Variants in GOLM2 observed in about 807,000 individuals in gnomAD.
The protein encoded by GOLM2 is golgi membrane protein 2, also known as protein GOLM2.
In GOLM2, 26 loss-of-function variants were observed where a neutral mutation model predicts 55.9. The ratio of observed to expected loss-of-function variants is 0.47; its 90% CI spans 0.34 to 0.65. The LOEUF is 0.65. GOLM2 is among the 30% of genes least tolerant of loss of function. The pLI is 0.01. For missense variants in GOLM2, 486 were observed against 531.8 expected, an observed-to-expected ratio of 0.91 and a Z score of 0.85; for synonymous variants, 165 against 194.6, an observed-to-expected ratio of 0.85 and a Z score of 1.27.
chr15:44,379,638 T>TTATAAA, intron 6 of GOLM2, 52 bp from the exon 7 acceptor site: 2 of 710,020 alleles, frequency 2.8e-6, no homozygotes, highest in African/African-American at 1.8e-5. Flanking sequence ...TTTTTTTTTT[T>TTATAAA]AGAAATCATA....
chr15:44,397,478 CAAAAA>C (rs1007948393), intron 8 of GOLM2, among the ~76,000 whole-genome samples: 3 of 32,562 alleles, frequency 9.2e-5, no homozygotes, highest in African/African-American at 2.4e-4. Context: ...GACTCCGTCT[CAAAAA>C]AAAAAAAAAA....
rs2079581152 is a variant in GOLM2, at chr15:44,403,770, TAAGGA to T, written c.1240+720_1240+724del. 2.0e-5 allele frequency among the ~76,000 whole-genome samples: 3 copies of T among 152,314 alleles called. No individual in the cohort carries two copies. In the South Asian group the frequency reaches 6.2e-4, roughly 32 times the overall value. On this transcript the variant is annotated intron_variant, in intron 9 of 9. Transcript: ENST00000299957. ...TATTGCCCAGGTAGCTTTTTCGTTATAAGGAAAGCCACAAAGGGAATGGTTTTCTC... is the reference window on the plus strand; with the variant it reads ...TATTGCCCAGGTAGCTTTTTCGTTATAAGCCACAAAGGGAATGGTTTTCTC...
chr15:44,390,578 T>C, intron 8 of GOLM2: 1 of 153,084 alleles, frequency 6.5e-6, no homozygotes, highest in Non-Finnish European at 1.5e-5. Context: ...TTTTTTTTTT[T>C]TTTTGAGATG....
At chr15:44,348,321 C>A (rs2079138700) in intron 6 of GOLM2, among the ~76,000 whole-genome samples, 1 of 150,528 alleles carries the variant, frequency 6.6e-6, no homozygotes, top group East Asian at 2.0e-4. Context: ...GCCTGTTGCT[C>A]TGAAGGGTGA....
intron 2 of GOLM2, among the ~76,000 whole-genome samples, chr15:44,324,389 A>G (rs1025369449): frequency 1.3e-5 from 2 of 152,164 alleles, no homozygotes; most frequent in Non-Finnish European, 2.9e-5. Context: ...CTTGATTTGT[A>G]TGTATAGCTA....
At chr15:44,358,767 C>T (rs1384912203) in intron 6 of GOLM2, among the ~76,000 whole-genome samples, 1 of 152,142 alleles carries the variant, frequency 6.6e-6, no homozygotes, top group Non-Finnish European at 1.5e-5. Flanking sequence ...CAAGAGAAAA[C>T]CTGGATTACC....
intron 2 of GOLM2, 45 bp from the exon 3 acceptor site, chr15:44,328,640 C>A: frequency 1.5e-6 from 2 of 1,338,726 alleles, no homozygotes; most frequent in Non-Finnish European, 2.1e-6. Context: ...GGAAGCATTA[C>A]AATGAGTGAA....
At chr15:44,395,575 C>G (rs1595666064) in intron 8 of GOLM2, among the ~76,000 whole-genome samples, 1 of 151,466 alleles carries the variant, frequency 6.6e-6, no homozygotes, top group African/African-American at 2.4e-5. Flanking sequence ...GGTGCGGTGG[C>G]TAATGCCTGT....
intron 9 of GOLM2, among the ~76,000 whole-genome samples, chr15:44,411,801 C>G (rs2079640165): frequency 6.7e-6 from 1 of 149,622 alleles, no homozygotes; most frequent in Admixed American, 6.7e-5. Flanking sequence ...TGCACTCCAG[C>G]CTGGGCGACA....
intron 6 of GOLM2, among the ~76,000 whole-genome samples, chr15:44,359,328 C>T (rs1267577572): frequency 6.6e-6 from 1 of 152,008 alleles, no homozygotes; most frequent in Non-Finnish European, 1.5e-5. Context: ...TGGCTCATGC[C>T]TGTAATCCCA....
intron 8 of GOLM2, among the ~76,000 whole-genome samples, chr15:44,402,244 A>G (rs2079570304): frequency 6.6e-6 from 1 of 152,020 alleles, no homozygotes; most frequent in Admixed American, 6.6e-5. Flanking sequence ...ATGAGAAGAG[A>G]TACACCAGAA....
At chr15:44,402,002 G>A (rs1312452588) in intron 8 of GOLM2, among the ~76,000 whole-genome samples, 1 of 151,606 alleles carries the variant, frequency 6.6e-6, no homozygotes, top group Non-Finnish European at 1.5e-5. Flanking sequence ...GCTAATTTCT[G>A]TATTTTTAAT....
At chr15:44,364,529 C>A (rs928362038) in intron 6 of GOLM2, among the ~76,000 whole-genome samples, 2 of 151,714 alleles carry the variant, frequency 1.3e-5, no homozygotes, top group African/African-American at 4.8e-5. Context: ...GCGCAAGACT[C>A]CATCTCAAAA....
At chr15:44,303,647 C>A (rs2141112468) in intron 1 of GOLM2, among the ~76,000 whole-genome samples, 1 of 152,072 alleles carries the variant, frequency 6.6e-6, no homozygotes, top group South Asian at 2.1e-4. Context: ...CTCACTGCAG[C>A]CTTGACCTTC....
intron 8 of GOLM2, among the ~76,000 whole-genome samples, chr15:44,394,345 TCATCATTGCGAA>T (rs1314588386): frequency 6.6e-6 from 1 of 152,198 alleles, no homozygotes; most frequent in Non-Finnish European, 1.5e-5. Context: ...TTAGTTGATT[TCATCATTGCGAA>T]CATCATAGAG....
chr15:44,311,711 A>T (rs1202343246), intron 1 of GOLM2, among the ~76,000 whole-genome samples: 1 of 152,064 alleles, frequency 6.6e-6, no homozygotes, highest in Admixed American at 6.6e-5. Flanking sequence ...GTGCAATGGC[A>T]CGATCTTGGC....
intron 6 of GOLM2, among the ~76,000 whole-genome samples, chr15:44,379,297 C>T (rs1355185048): frequency 6.6e-6 from 1 of 151,912 alleles, no homozygotes. Context: ...GCCAACATGG[C>T]GAAACCCCAT....
chr15:44,401,198 A>C (rs2079562818), intron 8 of GOLM2, among the ~76,000 whole-genome samples: 3 of 152,042 alleles, frequency 2.0e-5, no homozygotes, highest in African/African-American at 7.2e-5. Context: ...TATAACCTCA[A>C]ACTCCTGACC....
intron 8 of GOLM2, among the ~76,000 whole-genome samples, chr15:44,381,776 A>G (rs1325974369): frequency 6.6e-6 from 1 of 152,084 alleles, no homozygotes; most frequent in Non-Finnish European, 1.5e-5. Flanking sequence ...ACAATGTTAT[A>G]TTTGTGAATT....
Sources: gnomAD v4.1 joint callset for allele counts (sites outside exome capture counted in the v4.1 genomes callset) on GRCh38, gnomAD v4.1.1 for gene constraint, MANE v1.5 for transcripts, NCBI Gene and HGNC (gene_info 2026-07-23, HGNC 2026-07-21) for gene names.